PRKAR1B: variants seen among roughly 807,000 people sequenced by gnomAD.
The protein encoded by PRKAR1B is protein kinase cAMP-dependent type I regulatory subunit beta, also known as cAMP-dependent protein kinase type I-beta regulatory subunit.
Under a neutral mutation model 46.5 loss-of-function variants are expected in PRKAR1B, and 22 were observed. That is an observed-to-expected ratio of 0.47 (90% CI 0.34 to 0.68). PRKAR1B has a LOEUF of 0.68. Ranked by LOEUF, PRKAR1B falls within the 30% of genes least tolerant of loss-of-function variation. The pLI is 0.01. For synonymous variants in PRKAR1B, 259 were observed against 217.7 expected (o/e 1.19, Z -1.67); for missense variants, 445 against 535.6 (o/e 0.83, Z 1.67).
intron 4 of PRKAR1B, among the ~76,000 whole-genome samples, chr7:631,537 G>A (rs779092992): frequency 9.2e-5 from 14 of 152,204 alleles, no homozygotes; most frequent in Non-Finnish European, 1.3e-4. Flanking sequence ...CACACAGCCC[G>A]AGGGGGAGAA....
chr7:561,950 G>A (rs1295080264), intron 9 of PRKAR1B: 2 of 152,318 alleles, frequency 1.3e-5, no homozygotes, highest in African/African-American at 4.8e-5. Context: ...TATCCCCTCG[G>A]TTGTCTCTGC....
intron 4 of PRKAR1B, among the ~76,000 whole-genome samples, chr7:669,371 G>T (rs1786099047): frequency 6.6e-6 from 1 of 152,176 alleles, no homozygotes. Context: ...ATAAGTGTGG[G>T]GCTTCCATTT....
chr7:633,030 G>C (rs1783854315), intron 4 of PRKAR1B, among the ~76,000 whole-genome samples: 1 of 152,234 alleles, frequency 6.6e-6, no homozygotes, highest in Non-Finnish European at 1.5e-5. Context: ...AGATCAGCTA[G>C]ATGGAGTCAT....
At position 560,431 on chromosome 7, in the gene PRKAR1B, G is replaced by A. The variant is rs1024122986; in HGVS notation, c.892-8961C>T. On this transcript the variant is annotated intron_variant, in intron 9 of 10. Coordinates refer to ENST00000537384, the MANE Select transcript of PRKAR1B (RefSeq NM_001164760.2). The surrounding 1 kb of genome is among the most constrained non-coding windows in gnomAD (Gnocchi z 4.2). ...AAACTTTGTATCACGACCATAAATG[G>A]AAACTGCTATCACTTTCCATAAATT... Among the ~76,000 whole-genome samples the A allele has an allele frequency of 2.4e-4, 36 of 151,680 alleles. No individual in the cohort carries two copies. The highest frequency in any genetic ancestry group is 1.4e-3 in the Admixed American group (21 of 15,230).
chr7:649,178 A>G (rs1486395890), intron 4 of PRKAR1B, among the ~76,000 whole-genome samples: 1 of 152,206 alleles, frequency 6.6e-6, no homozygotes, highest in Admixed American at 6.5e-5. Flanking sequence ...TAAATAAATA[A>G]ATAAAAATTT....
intron 2 of PRKAR1B, among the ~76,000 whole-genome samples, chr7:704,454 T>C (rs1415709449): frequency 1.8e-5 from 2 of 112,892 alleles, no homozygotes; most frequent in African/African-American, 7.2e-5. Context: ...ATGTAACAAC[T>C]TAAATGAAAC....
intron 2 of PRKAR1B, among the ~76,000 whole-genome samples, chr7:700,073 G>A (rs1415087572): frequency 1.3e-5 from 2 of 152,294 alleles, no homozygotes; most frequent in South Asian, 4.1e-4. Context: ...AACCCCAGAG[G>A]AGAAAGGACA....
intron 1 of PRKAR1B, 52 bp from the exon 2 acceptor site, chr7:711,579 C>A: frequency 1.3e-6 from 2 of 1,531,280 alleles, no homozygotes; most frequent in Non-Finnish European, 8.9e-7. Context: ...CGGGGCTGCG[C>A]GCCGGATAAA....
At chr7:584,630 C>G in intron 7 of PRKAR1B, 62 bp from the exon 8 acceptor site, 1 of 1,410,024 alleles carries the variant, frequency 7.1e-7, no homozygotes, top group Non-Finnish European at 9.9e-7. Flanking sequence ...ATCATCCTGA[C>G]GTTTCCAGAT....
chr7:709,339 A>C (rs1163901349), intron 2 of PRKAR1B, among the ~76,000 whole-genome samples: 1 of 150,308 alleles, frequency 6.7e-6, no homozygotes, highest in African/African-American at 2.4e-5. Flanking sequence ...GTGTGTATGC[A>C]TGTGTGTATG....
At chr7:570,628 G>A (rs147227623) in intron 9 of PRKAR1B, among the ~76,000 whole-genome samples, 2,724 of 152,218 alleles carry the variant, frequency 0.018, 77 homozygotes, top group African/African-American at 0.062. Flanking sequence ...TATTCGCCAC[G>A]TGGCACGGCC....
At chr7:568,812 TC>T (rs1220906880) in intron 9 of PRKAR1B, among the ~76,000 whole-genome samples, 4 of 152,190 alleles carry the variant, frequency 2.6e-5, no homozygotes, top group Non-Finnish European at 4.4e-5. Flanking sequence ...GTCAGGGTAA[TC>T]CGGGACCTTG....
intron 4 of PRKAR1B, among the ~76,000 whole-genome samples, chr7:627,841 T>C (rs1783498963): frequency 1.3e-5 from 2 of 152,208 alleles, no homozygotes; most frequent in South Asian, 4.1e-4. Flanking sequence ...CGGCCCTCAC[T>C]GGTATTTTCC....
At chr7:580,744 C>CA (rs754143077) in intron 8 of PRKAR1B, among the ~76,000 whole-genome samples, 3,188 of 117,130 alleles carry the variant, frequency 0.027, 61 homozygotes, top group Middle Eastern at 0.066. Flanking sequence ...TCTTTTTTGA[C>CA]AAAAAAAAAA....
At chr7:671,752 G>C (rs1786268592) in intron 4 of PRKAR1B, among the ~76,000 whole-genome samples, 1 of 152,116 alleles carries the variant, frequency 6.6e-6, no homozygotes, top group Non-Finnish European at 1.5e-5. Context: ...TGTGGCCCCA[G>C]CACCCCCACA....
intron 4 of PRKAR1B, among the ~76,000 whole-genome samples, chr7:653,190 A>G (rs1490018472): frequency 6.6e-6 from 1 of 152,200 alleles, no homozygotes; most frequent in African/African-American, 2.4e-5. Flanking sequence ...AGAAGGAACT[A>G]CACAAGTGGG....
intron 7 of PRKAR1B, among the ~76,000 whole-genome samples, chr7:592,420 T>C (rs901130581): frequency 1.3e-5 from 2 of 151,970 alleles, no homozygotes; most frequent in Non-Finnish European, 2.9e-5. Flanking sequence ...ACTGGTCCCC[T>C]CCTGGCCCCA....
At chr7:590,096 C>T (rs896243925) in intron 7 of PRKAR1B, among the ~76,000 whole-genome samples, 3 of 152,212 alleles carry the variant, frequency 2.0e-5, no homozygotes, top group East Asian at 1.9e-4. Flanking sequence ...CTGCCTCCCC[C>T]GGTGCCTGGA....
intron 2 of PRKAR1B, among the ~76,000 whole-genome samples, chr7:688,265 C>T (rs556195766): frequency 7.2e-5 from 11 of 151,748 alleles, no homozygotes; most frequent in South Asian, 6.3e-4. Context: ...AGTAGCTGGG[C>T]GTGGTGGCAT....
Sources: gnomAD v4.1 joint callset for allele counts (sites outside exome capture counted in the v4.1 genomes callset) on GRCh38, gnomAD v4.1.1 for gene constraint, Gnocchi (gnomAD v3.1) non-coding constraint, MANE v1.5 for transcripts, NCBI Gene and HGNC (gene_info 2026-07-23, HGNC 2026-07-21) for gene names.